The following NDST4 variants were observed in gnomAD, a reference collection of about 807,000 sequenced individuals.
NDST4 encodes the protein N-heparan sulfate sulfotransferase 4.
NDST4 carries 63 observed loss-of-function variants against 100.8 expected under a neutral mutation model. That is an observed-to-expected ratio of 0.62 (90% confidence interval 0.51 to 0.77). The LOEUF (loss-of-function observed/expected upper bound fraction) is 0.77. Ranked by LOEUF, NDST4 falls within the 30% of genes least tolerant of loss-of-function variation. The pLI, the probability that NDST4 is intolerant of heterozygous loss-of-function variation, is 0.00. For missense variants in NDST4, 943 were observed against 1,018.4 expected (o/e 0.93, Z 1.01); for synonymous variants, 377 against 361.8 (o/e 1.04, Z -0.48).
chr4:114,941,957 C>A (rs1171668751), intron 4 of NDST4, among the ~76,000 whole-genome samples: 1 of 152,166 alleles, frequency 6.6e-6, no homozygotes, highest in African/African-American at 2.4e-5. Flanking sequence ...TCTGTTGAGA[C>A]GTCTAGTGGT....
At chr4:114,867,002 T>A (rs1724040987) in intron 7 of NDST4, among the ~76,000 whole-genome samples, 1 of 152,166 alleles carries the variant, frequency 6.6e-6, no homozygotes. Flanking sequence ...CACCATCTTG[T>A]GGTTGAAATC....
chr4:114,903,278 C>T (rs961817944), intron 6 of NDST4, among the ~76,000 whole-genome samples: 3 of 152,092 alleles, frequency 2.0e-5, no homozygotes, highest in African/African-American at 7.2e-5. Flanking sequence ...AAAACAGATT[C>T]TCTGCCATAT....
chr4:115,112,343 G>C (rs1476887408), intron 1 of NDST4, among the ~76,000 whole-genome samples: 1 of 151,744 alleles, frequency 6.6e-6, no homozygotes, highest in Non-Finnish European at 1.5e-5. Flanking sequence ...CCATGTTGTT[G>C]GTGAGAAAGT....
rs376288612 is a variant in NDST4 at position 114,956,885 on chromosome 4, A to G, written c.1221+13545T>C. ...AAAATTATCTAAAATGTCCATTAAAAAAATACAAGATATACAAAGAAACAG... is the reference window on the plus strand; with the variant it reads ...AAAATTATCTAAAATGTCCATTAAAGAAATACAAGATATACAAAGAAACAG... On this transcript the variant is annotated intron_variant, in intron 4 of 13. Transcript: ENST00000264363. Among the ~76,000 whole-genome samples, 3 of 152,252 alleles carry G rather than the reference A, an allele frequency of 2.0e-5. No homozygotes were observed. The East Asian group carries it at 5.8e-4, about 29-fold the overall frequency.
intron 2 of NDST4, among the ~76,000 whole-genome samples, chr4:115,029,856 T>C (rs1728077222): frequency 6.6e-6 from 1 of 152,066 alleles, no homozygotes; most frequent in Non-Finnish European, 1.5e-5. Flanking sequence ...GATAAAAGGA[T>C]TTTGCAGAAA....
At position 115,076,573 on chromosome 4, in the gene NDST4, A is replaced by G; in HGVS notation, c.464T>C (p.Val155Ala). 6.2e-7 allele frequency: 1 copy of G among 1,613,978 alleles called. No individual in the cohort carries two copies. The highest frequency in any genetic ancestry group is 8.5e-7 in the Non-Finnish European group (1 of 1,179,948). ...WNRELLEKYC[V>A]EYSVSIIGFH... ...ACCGATTATACTAACACTGTATTCCACACAGTATTTTTCTAAAAGCTCTCG... is the reference window on the plus strand; with the variant it reads ...ACCGATTATACTAACACTGTATTCCGCACAGTATTTTTCTAAAAGCTCTCG... The change falls in exon 2 of 14, where the codon GTG (valine) becomes GCG (alanine). Residue 155 changes from valine to alanine, a missense_variant. Transcript: ENST00000264363.
In NDST4 at chr4:114,975,940, T is replaced by C. The variant is rs573564244; in HGVS notation, c.1066+1247A>G. Reference sequence around the variant, plus strand: ...TGAAATTGCTTTGCCTGTGCAGATATGCTGACCCAAATCTCTTTCTGCAAA... The same window carrying C: ...TGAAATTGCTTTGCCTGTGCAGATACGCTGACCCAAATCTCTTTCTGCAAA... On this transcript the variant is annotated intron_variant, in intron 3 of 13. Transcript: ENST00000264363. Among the ~76,000 whole-genome samples the C allele has an allele frequency of 7.1e-4, 108 of 152,250 alleles. 1 individual carries two copies. Among genetic ancestry groups the C allele is most frequent in the East Asian group, 5.8e-4 (3 of 5,194 alleles).
chr4:114,912,975 A>C (rs1578384221), intron 6 of NDST4, among the ~76,000 whole-genome samples: 1 of 152,146 alleles, frequency 6.6e-6, no homozygotes, highest in South Asian at 2.1e-4. Context: ...ACTCAATTTT[A>C]AATTCTCAAT....
At chr4:115,073,835 A>C (rs1303648702) in intron 2 of NDST4, among the ~76,000 whole-genome samples, 1 of 151,988 alleles carries the variant, frequency 6.6e-6, no homozygotes, top group African/African-American at 2.4e-5. Context: ...TGGGATAATT[A>C]ATTCCTATGT....
intron 11 of NDST4, among the ~76,000 whole-genome samples, chr4:114,837,626 C>G (rs59771806): frequency 0.28 from 43,009 of 151,958 alleles, 8,336 homozygotes; most frequent in African/African-American, 0.55. Context: ...CTAGCCATAT[C>G]CAGAAAGCTG....
At chr4:114,890,408 C>A (rs1724568331) in intron 6 of NDST4, among the ~76,000 whole-genome samples, 1 of 152,062 alleles carries the variant, frequency 6.6e-6, no homozygotes, top group Non-Finnish European at 1.5e-5. Flanking sequence ...CATTAAGGCA[C>A]AAAGTCTTGC....
intron 6 of NDST4, among the ~76,000 whole-genome samples, chr4:114,932,304 C>A (rs1396935030): frequency 6.6e-6 from 1 of 151,892 alleles, no homozygotes; most frequent in Non-Finnish European, 1.5e-5. Context: ...AACATCCATT[C>A]ATGATAAAAA....
chr4:114,838,100 A>G (rs1437098985), intron 11 of NDST4, among the ~76,000 whole-genome samples: 1 of 152,250 alleles, frequency 6.6e-6, no homozygotes, highest in Non-Finnish European at 1.5e-5. Flanking sequence ...AGAGAAATGC[A>G]AATCAAAACC....
At chr4:115,092,850 G>A (rs1729545671) in intron 1 of NDST4, among the ~76,000 whole-genome samples, 1 of 152,120 alleles carries the variant, frequency 6.6e-6, no homozygotes, top group African/African-American at 2.4e-5. Flanking sequence ...AAATAGGTCT[G>A]TTTAGGTTAG....
chr4:115,019,112 A>AACT (rs1167201598), intron 2 of NDST4, among the ~76,000 whole-genome samples: 1 of 152,036 alleles, frequency 6.6e-6, no homozygotes, highest in African/African-American at 2.4e-5. Flanking sequence ...ATACTACATT[A>AACT]ACTGGTTTTT....
chr4:114,978,280 T>C (rs1343497611), intron 2 of NDST4, among the ~76,000 whole-genome samples: 2 of 151,976 alleles, frequency 1.3e-5, no homozygotes, highest in Non-Finnish European at 2.9e-5. Flanking sequence ...GTTAAACAAT[T>C]TTTTCCATTA....
intron 6 of NDST4, among the ~76,000 whole-genome samples, chr4:114,903,262 T>C (rs1317201087): frequency 6.6e-6 from 1 of 152,102 alleles, no homozygotes; most frequent in African/African-American, 2.4e-5. Flanking sequence ...ACAGAACTTG[T>C]TAAGAAAAAC....
chr4:114,887,248 G>C (rs370048854), intron 6 of NDST4, among the ~76,000 whole-genome samples: 1 of 152,126 alleles, frequency 6.6e-6, no homozygotes, highest in Non-Finnish European at 1.5e-5. Context: ...TTGGAAAGTG[G>C]CAGCAAACTC....
intron 2 of NDST4, among the ~76,000 whole-genome samples, chr4:115,047,134 CTT>C (rs1268807233): frequency 6.6e-6 from 1 of 151,954 alleles, no homozygotes. Context: ...ATGGGTAAAA[CTT>C]ATTTTATTTG....
Sources: gnomAD v4.1 joint callset for allele counts (sites outside exome capture counted in the v4.1 genomes callset) on GRCh38, gnomAD v4.1.1 for gene constraint, MANE v1.5 for transcripts, NCBI Gene and HGNC (gene_info 2026-07-23, HGNC 2026-07-21) for gene names.